The following AUTS2 variants were observed in gnomAD, a reference collection of about 807,000 sequenced individuals.
The protein encoded by AUTS2 is activator of transcription and developmental regulator AUTS2, also known as autism susceptibility gene 2 protein.
A neutral mutation model predicts 112.4 loss-of-function variants in AUTS2; 17 were observed. That is an observed-to-expected ratio of 0.15 (90% confidence interval 0.10 to 0.23). The LOEUF is 0.23. Ranked by LOEUF, AUTS2 falls within the 10% of genes least tolerant of loss-of-function variation. The pLI, the probability that AUTS2 is intolerant of heterozygous loss-of-function variation, is 1.00. For synonymous variants in AUTS2, 751 were observed against 702.7 expected, an observed-to-expected ratio of 1.07 and a Z score of -1.09; for missense variants, 1,510 against 1,701.6, an observed-to-expected ratio of 0.89 and a Z score of 1.98.
intron 4 of AUTS2, among the ~76,000 whole-genome samples, chr7:70,181,800 T>TC (rs1481663396): frequency 7.0e-6 from 1 of 142,930 alleles, no homozygotes; most frequent in Non-Finnish European, 1.5e-5. Context: ...AGCTAACTTT[T>TC]TTTTTTTTTT....
At chr7:70,693,602 A>C in intron 5 of AUTS2, among the ~76,000 whole-genome samples, 1 of 152,186 alleles carries the variant, frequency 6.6e-6, no homozygotes, top group South Asian at 2.1e-4. Flanking sequence ...TCCATTTTCC[A>C]CAATGCAATG....
chr7:70,292,627 A>G (rs1788759650), intron 4 of AUTS2: 1 of 152,232 alleles, frequency 6.6e-6, no homozygotes, highest in Non-Finnish European at 1.5e-5. Flanking sequence ...GAGCAGCAGC[A>G]AATGAGACAT....
Position 69,599,667 on chromosome 7 carries a change from C to T in AUTS2, c.14C>T (p.Thr5Met). Residue 5 changes from threonine to methionine, a missense_variant, in exon 1 of 19, where the codon ACG (threonine) becomes ATG (methionine). Physicochemically the swap from Thr to Met is moderately conservative, Grantham distance 81. Around this residue, in one of 3 missense-constraint regions of AUTS2, gnomAD observed 535 missense variants for 594.3 expected, o/e 0.90. Coordinates refer to ENST00000342771, the MANE Select transcript of AUTS2 (RefSeq NM_015570.4). This position sits in a 1 kb window ranked among gnomAD's most constrained non-coding sequence, Gnocchi z 7.0. Reference protein sequence around the residue: MDGPTRGHGLRKKRR... With the variant: MDGPMRGHGLRKKRR... ...CGCAGCAGAACCATGGATGGCCCGA[C>T]GCGGGGCCATGGACTCCGCAAAAAG... The T allele has an allele frequency of 2.3e-6, 3 of 1,306,740 alleles. No homozygotes were observed. Among genetic ancestry groups the T allele is most frequent in the Non-Finnish European group, 1.9e-6 (2 of 1,031,676 alleles). The allele number at this position is 1,306,740 out of a possible 1,614,324, so 80.9% of individuals were successfully genotyped here.
chr7:70,224,290 G>A (rs1297192187), intron 4 of AUTS2, among the ~76,000 whole-genome samples: 3 of 151,874 alleles, frequency 2.0e-5, no homozygotes, highest in Non-Finnish European at 4.4e-5. Flanking sequence ...TATCCAGAGT[G>A]AAGCCCTGTC....
chr7:69,895,587 A>G (rs993131493), intron 1 of AUTS2, among the ~76,000 whole-genome samples: 5 of 139,630 alleles, frequency 3.6e-5, no homozygotes, highest in Non-Finnish European at 6.2e-5. Flanking sequence ...TGGAGCTAAG[A>G]TGATTGTACT....
chr7:69,742,491 G>A (rs549750686), intron 1 of AUTS2, among the ~76,000 whole-genome samples: 8 of 152,222 alleles, frequency 5.3e-5, no homozygotes, highest in Middle Eastern at 3.4e-3. Context: ...AAAAATACTG[G>A]AACAGTTGGA....
chr7:70,586,713 TG>T (rs1458571338), intron 5 of AUTS2, among the ~76,000 whole-genome samples: 1 of 152,202 alleles, frequency 6.6e-6, no homozygotes, highest in Non-Finnish European at 1.5e-5. Flanking sequence ...ATTTACGTTC[TG>T]GGTGGATTTG....
In AUTS2 at chr7:70,645,605, AGG is replaced by A. The variant is rs1234862052; in HGVS notation, c.691-52963_691-52962del. Among the ~76,000 whole-genome samples, 9 of 152,296 alleles carry A rather than the reference AGG, an allele frequency of 5.9e-5. No homozygotes were observed. In the East Asian group the frequency reaches 1.7e-3, roughly 30 times the overall value. ...GGCAGACCATGGGGCCTGCTCACGA[AGG>A]CAAGAGATGTATCTTGCCTTCCCTC... On this transcript the variant is annotated intron_variant, in intron 5 of 18. Transcript: ENST00000342771.
At chr7:70,310,529 C>A (rs1311339431) in intron 4 of AUTS2, among the ~76,000 whole-genome samples, 3 of 151,628 alleles carry the variant, frequency 2.0e-5, no homozygotes, top group Non-Finnish European at 4.4e-5. Context: ...AGGAGAATGG[C>A]GTGAACCCAG....
At chr7:70,241,367 C>A (rs968791553) in intron 4 of AUTS2, among the ~76,000 whole-genome samples, 5 of 152,156 alleles carry the variant, frequency 3.3e-5, no homozygotes, top group African/African-American at 1.2e-4. Flanking sequence ...TCACTCTATG[C>A]CTTATCTAAG....
At chr7:70,679,680 T>C (rs1467198826) in intron 5 of AUTS2, among the ~76,000 whole-genome samples, 1 of 152,186 alleles carries the variant, frequency 6.6e-6, no homozygotes, top group Admixed American at 6.5e-5. Context: ...TTTATTGTTT[T>C]ATTTGATTGT....
chr7:70,516,939 T>G (rs1799440986), intron 5 of AUTS2, among the ~76,000 whole-genome samples: 1 of 152,108 alleles, frequency 6.6e-6, no homozygotes, highest in South Asian at 2.1e-4. Context: ...ATGTGAGGGA[T>G]TTGTGTTTGG....
chr7:70,438,148 C>G (rs561765964), intron 5 of AUTS2, among the ~76,000 whole-genome samples: 2 of 152,068 alleles, frequency 1.3e-5, no homozygotes, highest in Admixed American at 1.3e-4. Flanking sequence ...ATACTGAGAG[C>G]ACCCCACCAG....
rs181552705 is a variant in AUTS2 at position 70,656,548 on chromosome 7, C to T, written c.691-42021C>T. Reference sequence around the variant, plus strand: ...AGATTGATAGTTTACAAAGCACTTTCATACATATTATTTCAGTACTTTCCA... The same window carrying T: ...AGATTGATAGTTTACAAAGCACTTTTATACATATTATTTCAGTACTTTCCA... On this transcript the variant is annotated intron_variant, in intron 5 of 18. Coordinates refer to ENST00000342771, the MANE Select transcript of AUTS2 (RefSeq NM_015570.4). 4.3e-4 allele frequency among the ~76,000 whole-genome samples: 65 copies of T among 152,308 alleles called. 1 individual carries two copies. The highest frequency in any genetic ancestry group is 1.3e-3 in the African/African-American group (54 of 41,564).
chr7:69,660,049 C>T (rs757045250), intron 1 of AUTS2, among the ~76,000 whole-genome samples: 2 of 152,142 alleles, frequency 1.3e-5, no homozygotes, highest in East Asian at 1.9e-4. Context: ...TTTGGTTTGC[C>T]GTTGGTAGTA....
chr7:70,181,494 T>G (rs1809299556), intron 4 of AUTS2, among the ~76,000 whole-genome samples: 1 of 145,350 alleles, frequency 6.9e-6, no homozygotes, highest in African/African-American at 2.5e-5. Flanking sequence ...TTTTTTTTTC[T>G]TTTTTTTTTT....
rs570715886 is a variant in AUTS2, at chr7:70,417,517, G to A, written c.661-18235G>A. On this transcript the variant is annotated intron_variant, in intron 4 of 18. Coordinates refer to ENST00000342771, the MANE Select transcript of AUTS2 (RefSeq NM_015570.4). Reference sequence around the variant, plus strand: ...CACTTGTCGTCTTGCAGTGACAGGCGAGAGCTTTGCAATGTGCGCTGTGAA... The same window carrying A: ...CACTTGTCGTCTTGCAGTGACAGGCAAGAGCTTTGCAATGTGCGCTGTGAA... 5.6e-4 allele frequency among the ~76,000 whole-genome samples: 85 copies of A among 152,320 alleles called. 1 individual carries two copies. In the Middle Eastern group the frequency reaches 0.017, roughly 30 times the overall value.
intron 4 of AUTS2, among the ~76,000 whole-genome samples, chr7:70,240,877 A>G (rs1363350598): frequency 6.6e-6 from 1 of 152,184 alleles, no homozygotes; most frequent in Non-Finnish European, 1.5e-5. Context: ...CAAGTCAGAA[A>G]TCAAATCTTA....
At chr7:69,935,344 TG>T (rs1381710632) in intron 2 of AUTS2, among the ~76,000 whole-genome samples, 1 of 152,198 alleles carries the variant, frequency 6.6e-6, no homozygotes, top group East Asian at 1.9e-4. Context: ...GGTTTGGGCC[TG>T]GTTTTGAAGG....
Sources: gnomAD v4.1 joint callset for allele counts (sites outside exome capture counted in the v4.1 genomes callset) on GRCh38, gnomAD v4.1.1 for gene constraint, gnomAD v4.1.1 regional missense constraint, Gnocchi (gnomAD v3.1) non-coding constraint, MANE v1.5 for transcripts, NCBI Gene and HGNC (gene_info 2026-07-23, HGNC 2026-07-21) for gene names.